Variants in GMDS observed in about 807,000 individuals in gnomAD.
GMDS encodes the protein GDP-mannose 4,6-dehydratase, also known as GDP-mannose 4,6 dehydratase.
A neutral mutation model predicts 49.9 loss-of-function variants in GMDS; 20 were observed. The observed-to-expected ratio is 0.40, with a 90% CI of 0.28 to 0.58. The LOEUF (loss-of-function observed/expected upper bound fraction) is 0.58, where lower values mean the gene tolerates loss of function less well. GMDS is among the 20% of genes least tolerant of loss of function. GMDS has a pLI of 0.42. For synonymous variants in GMDS, 177 were observed against 178.6 expected (o/e 0.99, Z 0.07); for missense variants, 362 against 481.4 (o/e 0.75, Z 2.32).
chr6:1,744,305 G>C (rs77134104), intron 7 of GMDS, among the ~76,000 whole-genome samples: 1 of 152,146 alleles, frequency 6.6e-6, no homozygotes, highest in East Asian at 1.9e-4. Flanking sequence ...ATAGTTTCAA[G>C]TCAGTGATAT....
intron 1 of GMDS, among the ~76,000 whole-genome samples, chr6:2,226,305 C>T (rs951649325): frequency 3.3e-5 from 5 of 152,182 alleles, no homozygotes; most frequent in African/African-American, 1.2e-4. Flanking sequence ...ATGCAGTTCA[C>T]TAATTTTGAA....
At chr6:2,045,499 G>C (rs113011737) in intron 4 of GMDS, among the ~76,000 whole-genome samples, 12 of 151,410 alleles carry the variant, frequency 7.9e-5, no homozygotes, top group African/African-American at 2.7e-4. Context: ...CTATTGCTAA[G>C]GTCAAAATAA....
At chr6:1,877,568 T>C (rs1438789757) in intron 7 of GMDS, among the ~76,000 whole-genome samples, 1 of 149,640 alleles carries the variant, frequency 6.7e-6, no homozygotes, top group Non-Finnish European at 1.5e-5. Context: ...AGCCCAGGAA[T>C]TTGAGGCTGC....
At chr6:1,634,529 GTCTC>G (rs1763085285) in intron 9 of GMDS, among the ~76,000 whole-genome samples, 3 of 152,278 alleles carry the variant, frequency 2.0e-5, no homozygotes, top group South Asian at 4.2e-4. Context: ...CTCTGGGTGT[GTCTC>G]TCTGTGTCCA....
intron 7 of GMDS, among the ~76,000 whole-genome samples, chr6:1,879,577 A>G (rs1180244276): frequency 6.6e-6 from 1 of 151,888 alleles, no homozygotes. Context: ...TTATTATGTT[A>G]CCAAAGGTTT....
rs911003856 is a variant in GMDS, at chr6:1,821,621, T to G, written c.772-79035A>C. Among the ~76,000 whole-genome samples the G allele has an allele frequency of 8.4e-4, 34 of 40,592 alleles. 1 individual carries two copies. Among genetic ancestry groups the G allele is most frequent in the African/African-American group, 2.2e-3 (28 of 12,516 alleles). 26.6% of individuals were successfully genotyped at this position (40,592 alleles called of 152,430 possible). A position where few individuals can be genotyped will look rare whatever the true frequency, so the allele number is the denominator to read the frequency against. On this transcript the variant is annotated intron_variant, in intron 7 of 10. Coordinates refer to ENST00000380815, the MANE Select transcript of GMDS (RefSeq NM_001500.4). The stretch of plus-strand genomic sequence containing the variant: ...GCTAACAATTTATTTGTTTTTTTTT[T>G]TTTTTTTTTTTTTTTTTACCAAGAT...
intron 7 of GMDS, among the ~76,000 whole-genome samples, chr6:1,910,458 T>C (rs1760994645): frequency 6.6e-6 from 1 of 152,158 alleles, no homozygotes. Flanking sequence ...ATAAAGTTTA[T>C]ACTAGATGGT....
intron 1 of GMDS, among the ~76,000 whole-genome samples, chr6:2,154,950 AACACTCT>A (rs1260619066): frequency 6.6e-6 from 1 of 151,820 alleles, no homozygotes; most frequent in Non-Finnish European, 1.5e-5. Flanking sequence ...TCCAGTATTC[AACACTCT>A]ACAGATTTTT....
chr6:1,842,104 C>T (rs1424224313), intron 7 of GMDS, among the ~76,000 whole-genome samples: 1 of 152,176 alleles, frequency 6.6e-6, no homozygotes, highest in African/African-American at 2.4e-5. Flanking sequence ...GTGTTCTCTC[C>T]CACTTCTGAA....
chr6:1,962,605 CTTG>C (rs1237325607), intron 4 of GMDS, among the ~76,000 whole-genome samples: 9 of 152,176 alleles, frequency 5.9e-5, no homozygotes, highest in Admixed American at 2.6e-4. Context: ...GAAGTGCTAT[CTTG>C]TTGTGGTTTT....
At chr6:1,773,462 G>A (rs1035414434) in intron 7 of GMDS, among the ~76,000 whole-genome samples, 1 of 151,630 alleles carries the variant, frequency 6.6e-6, no homozygotes, top group African/African-American at 2.4e-5. Context: ...AAAGTGGTTG[G>A]GGATGCCTGG....
intron 9 of GMDS, among the ~76,000 whole-genome samples, chr6:1,723,095 A>C (rs1581508300): frequency 6.6e-6 from 1 of 152,162 alleles, no homozygotes; most frequent in East Asian, 1.9e-4. Flanking sequence ...GCACTAAATC[A>C]ATGAGGAAAA....
intron 1 of GMDS, among the ~76,000 whole-genome samples, chr6:2,151,185 T>C (rs924255474): frequency 2.0e-5 from 3 of 152,140 alleles, no homozygotes; most frequent in African/African-American, 7.2e-5. Flanking sequence ...TTGGGTTGTT[T>C]GTAACACAAA....
At chr6:1,985,416 A>G (rs978377027) in intron 4 of GMDS, among the ~76,000 whole-genome samples, 2 of 152,192 alleles carry the variant, frequency 1.3e-5, no homozygotes, top group Non-Finnish European at 2.9e-5. Context: ...TAATGTCAAG[A>G]AAGAACCAAT....
intron 1 of GMDS, among the ~76,000 whole-genome samples, chr6:2,186,408 AAAAT>A (rs1778782141): frequency 6.6e-6 from 1 of 152,226 alleles, no homozygotes; most frequent in African/African-American, 2.4e-5. Flanking sequence ...GCTGATTCCC[AAAAT>A]AAGGCAAAGG....
At chr6:1,834,465 C>A (rs759210555) in intron 7 of GMDS, among the ~76,000 whole-genome samples, 3 of 152,098 alleles carry the variant, frequency 2.0e-5, no homozygotes, top group Non-Finnish European at 4.4e-5. Flanking sequence ...TAGCGCTTGA[C>A]ATCTATGGGG....
chr6:1,783,155 A>AGAGAG (rs1052278373), intron 7 of GMDS, among the ~76,000 whole-genome samples: 3 of 152,138 alleles, frequency 2.0e-5, no homozygotes, highest in South Asian at 2.1e-4. Flanking sequence ...ACCTTGCCAA[A>AGAGAG]GAGAGGAGAG....
intron 7 of GMDS, among the ~76,000 whole-genome samples, chr6:1,868,597 T>C (rs1421293506): frequency 6.6e-6 from 1 of 152,226 alleles, no homozygotes; most frequent in Non-Finnish European, 1.5e-5. Context: ...TTTTTAGTAT[T>C]CTTTAAGAAT....
chr6:2,161,230 C>T (rs575129181), intron 1 of GMDS, among the ~76,000 whole-genome samples: 2 of 151,686 alleles, frequency 1.3e-5, no homozygotes, highest in African/African-American at 4.8e-5. Flanking sequence ...AGGATGGTCT[C>T]GATCTCCTGA....
Sources: allele counts gnomAD v4.1 joint callset (sites outside exome capture counted in the v4.1 genomes callset), GRCh38; gene constraint gnomAD v4.1.1; transcripts MANE v1.5; gene names NCBI Gene and HGNC (gene_info 2026-07-23, HGNC 2026-07-21).